SAMD5: variants seen among roughly 807,000 people sequenced by gnomAD.
The protein encoded by SAMD5 is sterile alpha motif domain-containing protein 5.
Under a neutral mutation model 11.3 loss-of-function variants are expected in SAMD5, and 13 were observed. The observed-to-expected ratio is 1.15, with a 90% CI of 0.75 to 1.83. The LOEUF is 1.83. Among genes scored for constraint, SAMD5 ranks in the 40% most tolerant of loss-of-function variants. The pLI, the probability that SAMD5 is intolerant of heterozygous loss-of-function variation, is 0.00. For synonymous variants in SAMD5, 129 were observed against 111.3 expected, an observed-to-expected ratio of 1.16 and a Z score of -1.00; for missense variants, 255 against 239.1, an observed-to-expected ratio of 1.07 and a Z score of -0.44.
At chr6:147,524,114 C>A (rs1382938813) in intron 1 of SAMD5, among the ~76,000 whole-genome samples, 1 of 152,120 alleles carries the variant, frequency 6.6e-6, no homozygotes, top group Non-Finnish European at 1.5e-5. Context: ...TTTGGCATAG[C>A]AGTTTGGGCT....
intron 1 of SAMD5, among the ~76,000 whole-genome samples, chr6:147,733,456 G>C (rs572213263): frequency 6.6e-6 from 1 of 151,364 alleles, no homozygotes; most frequent in Admixed American, 6.6e-5. Context: ...GGAAATAACG[G>C]CATTGAAACA....
chr6:147,608,421 AATGTGGTACAT>A (rs1395493190), intron 1 of SAMD5, among the ~76,000 whole-genome samples: 2 of 152,218 alleles, frequency 1.3e-5, no homozygotes, highest in African/African-American at 4.8e-5. Flanking sequence ...CAGATAAGAA[AATGTGGTACAT>A]ATACACAATG....
chr6:147,567,139 T>C lies in SAMD5; in HGVS notation c.*2683T>C. On this transcript the variant is annotated 3_prime_UTR_variant, in exon 2 of 2. Transcript: ENST00000367474. ...TAGTTCATCTTAAAATTTAGGGAGG[T>C]AAAAAAAGATTTTATTCACATAAAA... The C allele has an allele frequency of 1.0e-6, 1 of 984,102 alleles. No individual in the cohort carries two copies. Among genetic ancestry groups the C allele is most frequent in the Non-Finnish European group, 1.2e-6 (1 of 828,866 alleles). 61.0% of individuals were successfully genotyped at this position (984,102 alleles called of 1,614,324 possible).
the SAMD5 span, among the ~76,000 whole-genome samples, chr6:147,911,885 C>A: frequency 6.6e-6 from 1 of 152,210 alleles, no homozygotes; most frequent in South Asian, 2.1e-4. Context: ...CTAGAAGGGC[C>A]TCACTCACCT....
chr6:147,734,194 G>T lies in SAMD5; in HGVS notation c.163-3123G>T, dbSNP rs191785824. On this transcript the variant is annotated intron_variant, in intron 1 of 1. Coordinates refer to the SAMD5 transcript ENST00000566741. ...TAAGTGGTTTTAGTTTTTATGTGTTGCATTTCTTTGTAAAATCATTATGAA... is the reference window on the plus strand; with the variant it reads ...TAAGTGGTTTTAGTTTTTATGTGTTTCATTTCTTTGTAAAATCATTATGAA... Among the ~76,000 whole-genome samples the T allele has an allele frequency of 1.7e-3, 260 of 152,236 alleles. 2 individuals carry two copies. Among genetic ancestry groups the T allele is most frequent in the African/African-American group, 5.9e-3 (245 of 41,550 alleles).
chr6:147,583,715 C>T (rs1053861916), intron 1 of SAMD5, among the ~76,000 whole-genome samples: 4 of 152,068 alleles, frequency 2.6e-5, no homozygotes, highest in Non-Finnish European at 5.9e-5. Context: ...TGTTGCCATT[C>T]TGCCCCATAG....
At chr6:147,945,829 A>G in the SAMD5 span, among the ~76,000 whole-genome samples, 15,423 of 152,214 alleles carry the variant, frequency 0.1, 1,071 homozygotes, top group South Asian at 0.29. Flanking sequence ...TGTGCCAGGC[A>G]CTAGGGTTAT....
the SAMD5 span, among the ~76,000 whole-genome samples, chr6:147,914,961 G>C: frequency 2.0e-5 from 3 of 152,086 alleles, no homozygotes; most frequent in Admixed American, 2.0e-4. Context: ...ATCATAAAAG[G>C]CAAAAAATAA....
chr6:147,865,315 TGTGTGTG>T, the SAMD5 span, among the ~76,000 whole-genome samples: 2 of 546 alleles, frequency 3.7e-3, no homozygotes, highest in Admixed American at 0.034. Flanking sequence ...GGTATATAAG[TGTGTGTG>T]TGTGTGTGTG....
At chr6:147,885,473 T>C in the SAMD5 span, among the ~76,000 whole-genome samples, 2 of 152,114 alleles carry the variant, frequency 1.3e-5, no homozygotes, top group Middle Eastern at 3.2e-3. Flanking sequence ...AACAAAATAT[T>C]TTGTTTCCTC....
chr6:147,782,182 G>T, the SAMD5 span, among the ~76,000 whole-genome samples: 1 of 151,464 alleles, frequency 6.6e-6, no homozygotes, highest in Admixed American at 6.6e-5. Flanking sequence ...GTTATACTTT[G>T]TAGGAGGTCA....
intron 1 of SAMD5, among the ~76,000 whole-genome samples, chr6:147,715,863 A>G (rs546645682): frequency 2.6e-5 from 4 of 152,264 alleles, no homozygotes; most frequent in Non-Finnish European, 5.9e-5. Context: ...ACAGCTGGTC[A>G]TCCATCTCTC....
At chr6:147,867,342 C>T in the SAMD5 span, among the ~76,000 whole-genome samples, 1 of 145,764 alleles carries the variant, frequency 6.9e-6, no homozygotes, top group Non-Finnish European at 1.5e-5. Context: ...AAATATGCCA[C>T]CTGTGAATAT....
chr6:147,863,088 T>G, the SAMD5 span, among the ~76,000 whole-genome samples: 7 of 152,312 alleles, frequency 4.6e-5, 1 homozygote, highest in African/African-American at 1.4e-4. Context: ...AAATTGATCT[T>G]ATTTACAAGG....
At chr6:147,557,609 G>A (rs1562319963) in intron 1 of SAMD5, among the ~76,000 whole-genome samples, 1 of 152,178 alleles carries the variant, frequency 6.6e-6, no homozygotes, top group South Asian at 2.1e-4. Context: ...GAGAACACCA[G>A]GGATTAGATT....
chr6:147,713,833 C>T (rs909442333), intron 1 of SAMD5, among the ~76,000 whole-genome samples: 6 of 152,128 alleles, frequency 3.9e-5, no homozygotes, highest in African/African-American at 1.4e-4. Context: ...TCTCTCCTCC[C>T]TTACTCTTCC....
intron 1 of SAMD5, among the ~76,000 whole-genome samples, chr6:147,731,016 AAGT>A (rs1206764554): frequency 1.3e-5 from 2 of 152,196 alleles, no homozygotes; most frequent in African/African-American, 4.8e-5. Context: ...AGCCTGTACT[AAGT>A]AGCAGGCGTG....
rs144765863 is a variant in SAMD5, at chr6:147,640,241, G to A, written c.163-97076G>A. ...CTCCAGAGGCTGAGGCAGGAGAATC[G>A]CTTGAACCCGGGAGGTGAAGGTTGC... is the stretch of plus-strand genomic sequence containing the variant. On this transcript the variant is annotated intron_variant, in intron 1 of 1. Coordinates refer to the SAMD5 transcript ENST00000566741. Among the ~76,000 whole-genome samples, 105 of 151,418 alleles carry A rather than the reference G, an allele frequency of 6.9e-4. 1 individual carries two copies. The highest frequency in any genetic ancestry group is 2.3e-3 in the African/African-American group (93 of 41,278).
the SAMD5 span, among the ~76,000 whole-genome samples, chr6:147,935,063 G>T: frequency 1.3e-5 from 2 of 152,168 alleles, no homozygotes; most frequent in Non-Finnish European, 2.9e-5. Context: ...ACTGATTCAG[G>T]TTCGTAACGT....
Sources: allele counts gnomAD v4.1 joint callset (sites outside exome capture counted in the v4.1 genomes callset), GRCh38; gene constraint gnomAD v4.1.1; transcripts MANE v1.5; gene names NCBI Gene and HGNC (gene_info 2026-07-23, HGNC 2026-07-21).